DOCK1: variants seen among roughly 807,000 people sequenced by gnomAD.
DOCK1 encodes dedicator of cytokinesis 1, also known as dedicator of cytokinesis protein 1.
Under a neutral mutation model 262.7 loss-of-function variants are expected in DOCK1, and 138 were observed. That is an observed-to-expected ratio of 0.53 (90% confidence interval 0.46 to 0.61). The LOEUF (loss-of-function observed/expected upper bound fraction) is 0.61, where lower values mean the gene tolerates loss of function less well. DOCK1 is among the 20% of genes least tolerant of loss of function. The probability of loss-of-function intolerance (pLI) is 0.00; values close to 1 mark genes in which losing one functional copy is unlikely to be tolerated. For synonymous variants in DOCK1, 866 were observed against 867.4 expected (o/e 1.00, Z 0.03); for missense variants, 1,908 against 2,370.7 (o/e 0.80, Z 4.05).
At chr10:126,990,681 G>C in intron 6 of DOCK1, 78 bp downstream of exon 6, 1 of 1,474,020 alleles carries the variant, frequency 6.8e-7, no homozygotes, top group East Asian at 2.4e-5. Context: ...AGGAGACCAA[G>C]ATCATATTTT....
At chr10:127,017,278 C>CACACACACACAG (rs139808586) in intron 12 of DOCK1, among the ~76,000 whole-genome samples, 2 of 150,894 alleles carry the variant, frequency 1.3e-5, no homozygotes, top group South Asian at 2.1e-4. Flanking sequence ...CATATAGACA[C>CACACACACACAG]ACACAGACAC....
intron 11 of DOCK1, among the ~76,000 whole-genome samples, chr10:127,010,138 A>G (rs1297663989): frequency 1.3e-5 from 2 of 152,208 alleles, no homozygotes; most frequent in Non-Finnish European, 2.9e-5. Flanking sequence ...CTCCTGTCCA[A>G]TATGGTAACC....
chr10:127,302,600 G>A (rs2061719327), intron 29 of DOCK1, among the ~76,000 whole-genome samples: 1 of 152,174 alleles, frequency 6.6e-6, no homozygotes, highest in African/African-American at 2.4e-5. Flanking sequence ...AGGAAGTAGA[G>A]TGCTGAGAGG....
intron 33 of DOCK1, among the ~76,000 whole-genome samples, chr10:127,364,359 G>A (rs1174516071): frequency 6.6e-6 from 1 of 152,078 alleles, no homozygotes; most frequent in Non-Finnish European, 1.5e-5. Context: ...CCACTAGGCA[G>A]TTTTTTAATT....
rs117245807 is a variant in DOCK1, at chr10:127,045,760, G to A, written c.2201+2596G>A. Among the ~76,000 whole-genome samples the A allele has an allele frequency of 9.5e-4, 145 of 152,230 alleles. 2 individuals carry two copies. In the East Asian group the frequency reaches 0.023, roughly 24 times the overall value. On this transcript the variant is annotated intron_variant, in intron 21 of 51. Transcript: ENST00000623213. ...ACAAGTGAGAATGAAGGGAGGCATC[G>A]GCTTTGGGGGCTGCTCTTCCATAAA...
chr10:127,353,566 CCT>C (rs2063991975), intron 31 of DOCK1, among the ~76,000 whole-genome samples: 1 of 152,232 alleles, frequency 6.6e-6, no homozygotes, highest in South Asian at 2.1e-4. Context: ...ACCGAGTCTG[CCT>C]GCATCAGTGC....
intron 1 of DOCK1, among the ~76,000 whole-genome samples, chr10:126,940,718 T>A (rs1440446298): frequency 6.6e-6 from 1 of 152,202 alleles, no homozygotes; most frequent in African/African-American, 2.4e-5. Flanking sequence ...GTACCTATTT[T>A]AGTAAACAAA....
chr10:126,980,961 T>C (rs2038924904), intron 3 of DOCK1, among the ~76,000 whole-genome samples: 1 of 151,306 alleles, frequency 6.6e-6, no homozygotes, highest in Non-Finnish European at 1.5e-5. Context: ...TTTTTTTTTT[T>C]TCCTGAGGCG....
At chr10:127,252,484 TG>T (rs2059685991) in intron 28 of DOCK1, among the ~76,000 whole-genome samples, 1 of 139,612 alleles carries the variant, frequency 7.2e-6, no homozygotes, top group Non-Finnish European at 1.6e-5. Context: ...TGAATGGTAA[TG>T]CCTAGGTTTT....
At chr10:127,255,960 G>T (rs570595832) in intron 28 of DOCK1, among the ~76,000 whole-genome samples, 2 of 152,336 alleles carry the variant, frequency 1.3e-5, no homozygotes, top group Admixed American at 6.5e-5. Context: ...GCCATTTGTT[G>T]TGTCGGAAGG....
intron 29 of DOCK1, among the ~76,000 whole-genome samples, chr10:127,278,179 GC>G (rs2060813903): frequency 1.3e-5 from 2 of 152,168 alleles, no homozygotes; most frequent in South Asian, 4.2e-4. Context: ...ATTCTCACTG[GC>G]CAGTGTCCAG....
intron 6 of DOCK1, among the ~76,000 whole-genome samples, chr10:126,990,917 A>G (rs1317578889): frequency 6.6e-6 from 1 of 152,140 alleles, no homozygotes; most frequent in Non-Finnish European, 1.5e-5. Context: ...CTTTCTGACC[A>G]TAGTTTTTGA....
intron 27 of DOCK1, among the ~76,000 whole-genome samples, chr10:127,201,289 G>T (rs778716324): frequency 7.9e-5 from 12 of 152,176 alleles, no homozygotes; most frequent in Non-Finnish European, 1.2e-4. Context: ...CTCGCTTTGT[G>T]TAAAGCCCCT....
intron 7 of DOCK1, chr10:126,997,702 A>G: frequency 4.5e-6 from 1 of 219,976 alleles, no homozygotes; most frequent in Non-Finnish European, 9.3e-6. Context: ...TAATTCAACA[A>G]GTACTTACTG....
intron 29 of DOCK1, among the ~76,000 whole-genome samples, chr10:127,307,994 T>A (rs1388958125): frequency 6.6e-6 from 1 of 152,250 alleles, no homozygotes; most frequent in Admixed American, 6.5e-5. Flanking sequence ...GAGACTGCCT[T>A]GAACCATGGG....
intron 23 of DOCK1, among the ~76,000 whole-genome samples, chr10:127,087,643 C>T (rs1014936209): frequency 2.0e-5 from 3 of 152,246 alleles, no homozygotes; most frequent in South Asian, 2.1e-4. Context: ...TGAAGTGTCC[C>T]TGTGCAGTTT....
intron 25 of DOCK1, among the ~76,000 whole-genome samples, chr10:127,121,168 T>C (rs966181303): frequency 6.6e-6 from 1 of 152,164 alleles, no homozygotes; most frequent in African/African-American, 2.4e-5. Context: ...GGTCAAGTGT[T>C]TGTTCCAGAG....
At chr10:127,416,125 G>A (rs958803970) in intron 44 of DOCK1, among the ~76,000 whole-genome samples, 3 of 152,192 alleles carry the variant, frequency 2.0e-5, no homozygotes, top group Non-Finnish European at 2.9e-5. Flanking sequence ...GCAGCTATGG[G>A]CCACTCTCTG....
At chr10:126,957,276 C>T (rs2036821300) in intron 1 of DOCK1, among the ~76,000 whole-genome samples, 1 of 152,138 alleles carries the variant, frequency 6.6e-6, no homozygotes, top group Admixed American at 6.5e-5. Flanking sequence ...CTGTCTTCTC[C>T]CTCCTGGTTG....
Sources: gnomAD v4.1 joint callset for allele counts (sites outside exome capture counted in the v4.1 genomes callset) on GRCh38, gnomAD v4.1.1 for gene constraint, MANE v1.5 for transcripts, NCBI Gene and HGNC (gene_info 2026-07-23, HGNC 2026-07-21) for gene names.